Variants in UBE3C observed in about 807,000 individuals in gnomAD.
UBE3C encodes the protein ubiquitin-protein ligase E3C.
In UBE3C, 42 loss-of-function variants were observed where a neutral mutation model predicts 129.4. That is an observed-to-expected ratio of 0.32 (90% confidence interval 0.25 to 0.42). UBE3C has a LOEUF of 0.42. Ranked by LOEUF, UBE3C falls within the 10% of genes least tolerant of loss-of-function variation. The pLI is 1.00. For missense variants in UBE3C, 1,049 were observed against 1,319.1 expected, an observed-to-expected ratio of 0.80 and a Z score of 3.17; for synonymous variants, 510 against 492.4, an observed-to-expected ratio of 1.04 and a Z score of -0.47.
intron 6 of UBE3C, among the ~76,000 whole-genome samples, chr7:157,179,452 C>T (rs1286519846): frequency 6.6e-6 from 1 of 152,000 alleles, no homozygotes; most frequent in African/African-American, 2.4e-5. Flanking sequence ...GCATCTGAAA[C>T]CCTTGAGGAC....
chr7:157,148,107 G>GT (rs71303924), intron 1 of UBE3C, among the ~76,000 whole-genome samples: 16,123 of 151,874 alleles, frequency 0.11, 1,078 homozygotes, highest in Non-Finnish European at 0.14. Context: ...GTTTTATTTT[G>GT]TTTTTTTGAG....
At chr7:157,184,081 G>C (rs1808744035) in intron 9 of UBE3C, 52 bp downstream of exon 9, 3 of 1,589,118 alleles carry the variant, frequency 1.9e-6, no homozygotes, top group Non-Finnish European at 2.6e-6. Flanking sequence ...AGCCCCGTCG[G>C]ATCTTCTAGC....
rs1317456582 is a variant in UBE3C at position 157,259,575 on chromosome 7, CTG to C, written c.3081+2535_3081+2536del. On this transcript the variant is annotated intron_variant, in intron 22 of 22. Transcript: ENST00000348165. ...AAAGGAATAAATGATATCTACTACA[CTG>C]TGTATGAACATTGAAAACACTGTGC... Among the ~76,000 whole-genome samples the C allele has an allele frequency of 3.9e-5, 6 of 152,210 alleles. No homozygotes were observed. The East Asian group carries it at 1.2e-3, about 29-fold the overall frequency.
chr7:157,245,992 C>CAA (rs56270719), intron 18 of UBE3C, among the ~76,000 whole-genome samples: 41,264 of 85,258 alleles, frequency 0.48, 10,911 homozygotes, highest in Non-Finnish European at 0.62. Flanking sequence ...GACTCCGTCT[C>CAA]AAAAAAAAAA....
intron 6 of UBE3C, among the ~76,000 whole-genome samples, chr7:157,180,641 A>T (rs910082680): frequency 1.1e-4 from 16 of 152,240 alleles, no homozygotes; most frequent in African/African-American, 3.9e-4. Context: ...TATTCTATAA[A>T]AATGGAGTAA....
intron 22 of UBE3C, among the ~76,000 whole-genome samples, chr7:157,258,343 T>C (rs1181293949): frequency 1.3e-5 from 2 of 152,208 alleles, no homozygotes; most frequent in Non-Finnish European, 2.9e-5. Flanking sequence ...GGAGGATTAG[T>C]TGAGCCCAGG....
chr7:157,244,831 A>G (rs988019864), intron 18 of UBE3C, among the ~76,000 whole-genome samples: 2 of 152,212 alleles, frequency 1.3e-5, no homozygotes, highest in African/African-American at 4.8e-5. Flanking sequence ...AAAATTCGTT[A>G]CAGGTCTTTT....
intron 18 of UBE3C, among the ~76,000 whole-genome samples, chr7:157,246,038 AT>A (rs1362739558): frequency 2.0e-5 from 3 of 148,512 alleles, no homozygotes; most frequent in African/African-American, 7.4e-5. Flanking sequence ...AATGTCTGTC[AT>A]TTTCTGAAAC....
In UBE3C at chr7:157,182,345, CT is replaced by C. The variant is rs773734597; in HGVS notation, c.991+23del. The C allele has an allele frequency of 4.3e-6, 7 of 1,610,738 alleles. No individual in the cohort carries two copies. The highest frequency in any genetic ancestry group is 4.2e-6 in the Non-Finnish European group (5 of 1,178,088). The stretch of plus-strand genomic sequence containing the variant: ...ATTATTTGGGTATGAAATACAAGAT[CT>C]TTTTTACCTGAACACACATATGGGT... On this transcript the variant is annotated intron_variant, in intron 8 of 22. Transcript: ENST00000348165.
intron 22 of UBE3C, among the ~76,000 whole-genome samples, chr7:157,267,159 C>G (rs1301319210): frequency 6.6e-6 from 1 of 152,174 alleles, no homozygotes; most frequent in Non-Finnish European, 1.5e-5. Flanking sequence ...CACGGTGGCT[C>G]ACGCCTGTAA....
At chr7:157,197,500 A>T in intron 10 of UBE3C, 2 of 827,280 alleles carry the variant, frequency 2.4e-6, no homozygotes, top group Non-Finnish European at 3.4e-6. Flanking sequence ...AAAATAATAA[A>T]AATAATTTGT....
At chr7:157,255,666 TTATA>T (rs895058831) in intron 21 of UBE3C, among the ~76,000 whole-genome samples, 5 of 152,218 alleles carry the variant, frequency 3.3e-5, no homozygotes, top group African/African-American at 9.7e-5. Flanking sequence ...GTTTAAAATA[TTATA>T]TTCATTTTGG....
chr7:157,183,188 C>T (rs1173787680), intron 8 of UBE3C, among the ~76,000 whole-genome samples: 1 of 152,172 alleles, frequency 6.6e-6, no homozygotes, highest in African/African-American at 2.4e-5. Context: ...TGATGCCGTC[C>T]ACCCGGAGAT....
intron 18 of UBE3C, among the ~76,000 whole-genome samples, chr7:157,242,515 T>TTGC: frequency 1.1e-5 from 1 of 87,056 alleles, no homozygotes; most frequent in Middle Eastern, 5.2e-3. Flanking sequence ...GCCTGAGTTG[T>TTGC]TTTTTTTTTT....
chr7:157,264,599 A>G (rs1004033000), intron 22 of UBE3C, among the ~76,000 whole-genome samples: 6 of 152,128 alleles, frequency 3.9e-5, no homozygotes, highest in Admixed American at 1.3e-4. Flanking sequence ...ATATATTTTT[A>G]AGACAGAGTT....
intron 9 of UBE3C, among the ~76,000 whole-genome samples, chr7:157,184,951 T>C (rs1045344395): frequency 6.6e-6 from 1 of 152,208 alleles, no homozygotes; most frequent in African/African-American, 2.4e-5. Context: ...AAGCCGTTTT[T>C]ATAGTGGACA....
chr7:157,158,306 A>G (rs1807973363), intron 1 of UBE3C, among the ~76,000 whole-genome samples: 1 of 152,176 alleles, frequency 6.6e-6, no homozygotes, highest in Non-Finnish European at 1.5e-5. Context: ...AACCTATTCT[A>G]TTACATGCCA....
intron 22 of UBE3C, among the ~76,000 whole-genome samples, chr7:157,261,306 GAAAAAAAAAAAAAAAAAA>G (rs57114090): frequency 0.033 from 2,556 of 78,124 alleles, 99 homozygotes; most frequent in African/African-American, 0.11. Context: ...AACTCTGTCT[GAAAAAAAAAAAAAAAAAA>G]AAAAAAAAAA....
intron 1 of UBE3C, among the ~76,000 whole-genome samples, chr7:157,154,917 T>C (rs1479468443): frequency 6.6e-6 from 1 of 152,218 alleles, no homozygotes; most frequent in Non-Finnish European, 1.5e-5. Context: ...ATTGGAACCC[T>C]ACCCATCCCT....
Sources: gnomAD v4.1 joint callset for allele counts (sites outside exome capture counted in the v4.1 genomes callset) on GRCh38, gnomAD v4.1.1 for gene constraint, MANE v1.5 for transcripts, NCBI Gene and HGNC (gene_info 2026-07-23, HGNC 2026-07-21) for gene names.